The following DNER variants were observed in gnomAD, a reference collection of about 807,000 sequenced individuals.
DNER encodes the protein delta/notch like EGF repeat containing.
A neutral mutation model predicts 78.2 loss-of-function variants in DNER; 33 were observed. The observed-to-expected ratio is 0.42, with a 90% confidence interval of 0.32 to 0.56. DNER has a LOEUF of 0.56. Ranked by LOEUF, DNER falls within the 20% of genes least tolerant of loss-of-function variation. The probability of loss-of-function intolerance (pLI) is 0.11; values close to 1 mark genes in which losing one functional copy is unlikely to be tolerated. For synonymous variants in DNER, 417 were observed against 384.8 expected (o/e 1.08, Z -0.98); for missense variants, 918 against 975.3 (o/e 0.94, Z 0.78).
chr2:229,415,244 G>A (rs1693620351), intron 9 of DNER, among the ~76,000 whole-genome samples: 1 of 152,094 alleles, frequency 6.6e-6, no homozygotes, highest in Admixed American at 6.5e-5. Context: ...CTTTCAAAGA[G>A]CAAGCTGTCA....
chr2:229,465,750 T>C (rs192342762), intron 7 of DNER, among the ~76,000 whole-genome samples: 38 of 152,274 alleles, frequency 2.5e-4, no homozygotes, highest in African/African-American at 7.7e-4. Context: ...CAGGGATATG[T>C]TGGCCCCAGA....
At chr2:229,518,791 C>T (rs1696034021) in intron 5 of DNER, among the ~76,000 whole-genome samples, 1 of 152,162 alleles carries the variant, frequency 6.6e-6, no homozygotes, top group African/African-American at 2.4e-5. Context: ...AATATGACAT[C>T]CACTATGAGG....
chr2:229,377,241 CT>C (rs1692624999), intron 11 of DNER, among the ~76,000 whole-genome samples: 1 of 152,160 alleles, frequency 6.6e-6, no homozygotes, highest in Admixed American at 6.5e-5. Flanking sequence ...TATTTCTCAA[CT>C]GCAAAATATC....
At chr2:229,646,331 G>T (rs915200547) in intron 1 of DNER, among the ~76,000 whole-genome samples, 3 of 152,160 alleles carry the variant, frequency 2.0e-5, no homozygotes, top group Non-Finnish European at 4.4e-5. Context: ...GCCAAAAAAC[G>T]ATTTGGAAAA....
intron 6 of DNER, among the ~76,000 whole-genome samples, chr2:229,482,846 A>G (rs12468751): frequency 0.12 from 19,013 of 152,238 alleles, 1,330 homozygotes; most frequent in South Asian, 0.2. Flanking sequence ...ACAACAGAGT[A>G]GAAGACCTAA....
At chr2:229,614,515 C>T (rs1055242379) in intron 1 of DNER, among the ~76,000 whole-genome samples, 4 of 152,218 alleles carry the variant, frequency 2.6e-5, no homozygotes, top group Admixed American at 1.3e-4. Context: ...CTCCTTCCCA[C>T]CCTGTTTCTG....
intron 4 of DNER, among the ~76,000 whole-genome samples, chr2:229,576,634 C>A (rs1697306980): frequency 6.6e-6 from 1 of 152,050 alleles, no homozygotes; most frequent in Non-Finnish European, 1.5e-5. Flanking sequence ...AATCATCATG[C>A]CAGAAAAGGT....
intron 1 of DNER, among the ~76,000 whole-genome samples, chr2:229,691,043 T>C (rs141575891): frequency 6.4e-4 from 97 of 152,338 alleles, no homozygotes; most frequent in African/African-American, 2.1e-3. Flanking sequence ...CCTCTAAAGT[T>C]GGACCTGGTC....
chr2:229,496,537 A>T (rs902170953), intron 6 of DNER, among the ~76,000 whole-genome samples: 3 of 152,138 alleles, frequency 2.0e-5, no homozygotes, highest in African/African-American at 7.2e-5. Flanking sequence ...TTAAGTCCTA[A>T]TTATATGATG....
intron 1 of DNER, among the ~76,000 whole-genome samples, chr2:229,640,111 A>T (rs1698591004): frequency 6.6e-6 from 1 of 152,218 alleles, no homozygotes; most frequent in African/African-American, 2.4e-5. Flanking sequence ...TGCACCACTG[A>T]AATTATAGCA....
At chr2:229,459,132 A>AT (rs1694637368) in intron 7 of DNER, among the ~76,000 whole-genome samples, 1 of 152,014 alleles carries the variant, frequency 6.6e-6, no homozygotes, top group African/African-American at 2.4e-5. Context: ...AAATGAAGAC[A>AT]TATACCACGT....
intron 1 of DNER, among the ~76,000 whole-genome samples, chr2:229,640,763 C>T (rs866880589): frequency 2.6e-5 from 4 of 152,114 alleles, no homozygotes; most frequent in African/African-American, 9.7e-5. Flanking sequence ...GAGGACCTAG[C>T]GGAAGTTGGA....
intron 1 of DNER, among the ~76,000 whole-genome samples, chr2:229,672,336 A>C (rs1699222578): frequency 6.6e-6 from 1 of 152,028 alleles, no homozygotes; most frequent in South Asian, 2.1e-4. Flanking sequence ...TGGCAGCCTC[A>C]GAGCAGCCGG....
intron 10 of DNER, among the ~76,000 whole-genome samples, chr2:229,402,029 A>C (rs1319310354): frequency 6.6e-6 from 1 of 152,196 alleles, no homozygotes; most frequent in African/African-American, 2.4e-5. Context: ...TCTACACCTA[A>C]ACTTAAAAGC....
At chr2:229,497,891 G>A (rs1244341937) in intron 6 of DNER, among the ~76,000 whole-genome samples, 6 of 152,094 alleles carry the variant, frequency 3.9e-5, no homozygotes, top group Non-Finnish European at 7.4e-5. Context: ...CATTTAAAGA[G>A]CTAATACCAA....
intron 4 of DNER, among the ~76,000 whole-genome samples, chr2:229,568,719 C>CA (rs937769706): frequency 2.0e-5 from 3 of 151,802 alleles, no homozygotes; most frequent in African/African-American, 7.3e-5. Context: ...TATACGTTTC[C>CA]TTTTTTTTAA....
At chr2:229,694,238 G>C (rs1699628480) in intron 1 of DNER, among the ~76,000 whole-genome samples, 1 of 152,244 alleles carries the variant, frequency 6.6e-6, no homozygotes, top group South Asian at 2.1e-4. Context: ...GAAACGCCTG[G>C]ATGTCCAGGC....
intron 9 of DNER, among the ~76,000 whole-genome samples, chr2:229,411,413 C>T (rs1319023288): frequency 2.0e-5 from 3 of 151,910 alleles, no homozygotes; most frequent in African/African-American, 2.4e-5. Context: ...AAAAATTAGC[C>T]GGGCATGGTG....
chr2:229,490,992 A>T (rs1281825241), intron 6 of DNER, among the ~76,000 whole-genome samples: 1 of 151,942 alleles, frequency 6.6e-6, no homozygotes, highest in Non-Finnish European at 1.5e-5. Context: ...TCTGCCCCAG[A>T]CTCCACAGTG....
Sources: allele counts gnomAD v4.1 joint callset (sites outside exome capture counted in the v4.1 genomes callset), GRCh38; gene constraint gnomAD v4.1.1; transcripts MANE v1.5; gene names NCBI Gene and HGNC (gene_info 2026-07-23, HGNC 2026-07-21).